COPG2: variants seen among roughly 807,000 people sequenced by gnomAD.
COPG2 encodes the protein coatomer subunit gamma-2.
COPG2 carries 37 observed loss-of-function variants against 46.3 expected under a neutral mutation model. The ratio of observed to expected loss-of-function variants is 0.80; its 90% CI spans 0.61 to 1.05. The LOEUF is 1.05. Among genes scored for constraint, COPG2 ranks in the 50% least tolerant of loss-of-function variants. The probability of loss-of-function intolerance (pLI) is 0.00; values close to 1 mark genes in which losing one functional copy is unlikely to be tolerated. For synonymous variants in COPG2, 159 were observed against 129.7 expected, an observed-to-expected ratio of 1.23 and a Z score of -1.53; for missense variants, 427 against 387.8, an observed-to-expected ratio of 1.10 and a Z score of -0.85.
At chr7:130,570,104 G>T (rs1179659293) in intron 9 of COPG2, among the ~76,000 whole-genome samples, 1 of 152,158 alleles carries the variant, frequency 6.6e-6, no homozygotes, top group Non-Finnish European at 1.5e-5. Flanking sequence ...GCATTATACT[G>T]AACAGGAAAA....
At chr7:130,608,487 A>G (rs144147725) in intron 9 of COPG2, among the ~76,000 whole-genome samples, 5 of 152,316 alleles carry the variant, frequency 3.3e-5, no homozygotes, top group African/African-American at 1.2e-4. Flanking sequence ...TTCATGATGC[A>G]GGTATGCAGA....
intron 20 of COPG2, among the ~76,000 whole-genome samples, chr7:130,521,694 G>A (rs1466850593): frequency 2.6e-5 from 4 of 152,182 alleles, no homozygotes; most frequent in African/African-American, 7.2e-5. Context: ...AATAAAAAGA[G>A]CACTGCATGG....
At chr7:130,524,266 G>A (rs1299343351) in intron 20 of COPG2, among the ~76,000 whole-genome samples, 2 of 152,048 alleles carry the variant, frequency 1.3e-5, no homozygotes, top group Admixed American at 6.5e-5. Context: ...AGCAGCGGGT[G>A]CGGGGCCAGG....
intron 20 of COPG2, chr7:130,508,881 C>A: frequency 1.8e-6 from 1 of 570,134 alleles, no homozygotes; most frequent in Admixed American, 3.0e-5. Context: ...TACAGCAGTA[C>A]AGAAATGATA....
At chr7:130,654,642 A>G (rs576616801) in intron 4 of COPG2, among the ~76,000 whole-genome samples, 2 of 152,338 alleles carry the variant, frequency 1.3e-5, no homozygotes, top group Admixed American at 6.5e-5. Context: ...TCCCATGAGT[A>G]GGGAAAACAC....
chr7:130,640,431 TTTATTA>T (rs1161743261), intron 5 of COPG2, among the ~76,000 whole-genome samples: 2 of 151,126 alleles, frequency 1.3e-5, no homozygotes, highest in Non-Finnish European at 3.0e-5. Flanking sequence ...AGGGTTGTTA[TTTATTA>T]TTATTATTAT....
chr7:130,548,056 C>T (rs1213973272), intron 19 of COPG2, among the ~76,000 whole-genome samples: 1 of 152,198 alleles, frequency 6.6e-6, no homozygotes, highest in Non-Finnish European at 1.5e-5. Context: ...TTTCCTGAGA[C>T]TGCTGTCTCA....
intron 9 of COPG2, among the ~76,000 whole-genome samples, chr7:130,584,950 C>T (rs986825556): frequency 6.6e-6 from 1 of 151,846 alleles, no homozygotes; most frequent in East Asian, 1.9e-4. Context: ...TCATTCTTCA[C>T]AGAATTAGAA....
intron 5 of COPG2, among the ~76,000 whole-genome samples, chr7:130,625,649 T>G (rs1554454164): frequency 6.6e-6 from 1 of 152,014 alleles, no homozygotes; most frequent in East Asian, 1.9e-4. Context: ...TTGTCATTTA[T>G]TTTGCATATT....
At position 130,574,653 on chromosome 7, in the gene COPG2, C is replaced by CA. The variant is rs1793973107; in HGVS notation, c.738-10261_738-10260insT. Reference sequence around the variant, plus strand: ...ACAAGGCTCTTTAACACCTCCCCCCCCAAAAAAATTACACTAGTTCACCAG... The same window carrying CA: ...ACAAGGCTCTTTAACACCTCCCCCCCACAAAAAAATTACACTAGTTCACCAG... On this transcript the variant is annotated intron_variant, in intron 9 of 23. Coordinates refer to ENST00000425248, the MANE Select transcript of COPG2 (RefSeq NM_012133.6). 4.7e-3 allele frequency among the ~76,000 whole-genome samples: 708 copies of CA among 151,904 alleles called. 3 individuals carry two copies. Among genetic ancestry groups the CA allele is most frequent in the Non-Finnish European group, 7.5e-3 (510 of 67,966 alleles).
chr7:130,667,427 C>T, intron 2 of COPG2, 55 bp downstream of exon 2: 1 of 1,434,652 alleles, frequency 7.0e-7, no homozygotes, highest in South Asian at 1.2e-5. Flanking sequence ...ATTCTCTGCC[C>T]ACCACTCTAA....
At chr7:130,521,585 G>A (rs1331940873) in intron 20 of COPG2, among the ~76,000 whole-genome samples, 1 of 152,200 alleles carries the variant, frequency 6.6e-6, no homozygotes, top group African/African-American at 2.4e-5. Context: ...ATTTACCTTA[G>A]GATGGGAAAA....
intron 9 of COPG2, among the ~76,000 whole-genome samples, chr7:130,600,321 C>T (rs1176676866): frequency 1.3e-5 from 2 of 152,028 alleles, no homozygotes; most frequent in African/African-American, 2.4e-5. Flanking sequence ...AGTGTTGTGG[C>T]ACAATCTTGG....
intron 5 of COPG2, among the ~76,000 whole-genome samples, chr7:130,625,710 T>C (rs781991119): frequency 1.2e-4 from 19 of 152,058 alleles, no homozygotes; most frequent in Non-Finnish European, 2.4e-4. Context: ...GGTTTATTTA[T>C]ATTGTTAATT....
chr7:130,595,848 C>T (rs1256716184), intron 9 of COPG2, among the ~76,000 whole-genome samples: 1 of 152,160 alleles, frequency 6.6e-6, no homozygotes, highest in African/African-American at 2.4e-5. Flanking sequence ...GGCCATCCAG[C>T]CCAGAGCATC....
intron 5 of COPG2, among the ~76,000 whole-genome samples, chr7:130,620,923 C>T (rs1350512902): frequency 6.6e-6 from 1 of 152,184 alleles, no homozygotes; most frequent in African/African-American, 2.4e-5. Flanking sequence ...CAAAGTCCTA[C>T]TCCCTAGATC....
In COPG2 at chr7:130,537,805, G is replaced by A. The variant is rs1029440547; in HGVS notation, c.2149+9869C>T. On this transcript the variant is annotated intron_variant, in intron 20 of 23. Coordinates refer to ENST00000425248, the MANE Select transcript of COPG2 (RefSeq NM_012133.6). ...GAAGTGTTTGATGCAGGTCATGGAGGAGAAAGCATGGTGTGGGTAAGACAC... is the reference window on the plus strand; with the variant it reads ...GAAGTGTTTGATGCAGGTCATGGAGAAGAAAGCATGGTGTGGGTAAGACAC... 2.0e-3 allele frequency among the ~76,000 whole-genome samples: 304 copies of A among 152,312 alleles called. 2 individuals are homozygous for A. Among genetic ancestry groups the A allele is most frequent in the African/African-American group, 6.6e-3 (274 of 41,564 alleles).
intron 9 of COPG2, among the ~76,000 whole-genome samples, chr7:130,589,835 C>T (rs1048242562): frequency 7.2e-5 from 11 of 152,080 alleles, no homozygotes; most frequent in Non-Finnish European, 1.6e-4. Flanking sequence ...TGGAGCTGCG[C>T]GTTAATCCCA....
At chr7:130,533,480 T>C (rs1237421964) in intron 20 of COPG2, among the ~76,000 whole-genome samples, 4 of 150,912 alleles carry the variant, frequency 2.7e-5, no homozygotes, top group African/African-American at 9.8e-5. Context: ...GGAAGGAGGG[T>C]GCAGCGGTTT....
Sources: allele counts gnomAD v4.1 joint callset (sites outside exome capture counted in the v4.1 genomes callset), GRCh38; gene constraint gnomAD v4.1.1; transcripts MANE v1.5; gene names NCBI Gene and HGNC (gene_info 2026-07-23, HGNC 2026-07-21).